CCNY: variants seen among roughly 807,000 people sequenced by gnomAD.
CCNY encodes cyclin-Y.
CCNY carries 19 observed loss-of-function variants against 42.8 expected under a neutral mutation model. That is an observed-to-expected ratio of 0.44 (90% CI 0.31 to 0.65). The LOEUF (loss-of-function observed/expected upper bound fraction) is 0.65. Among genes scored for constraint, CCNY ranks in the 30% least tolerant of loss-of-function variants. The probability of loss-of-function intolerance (pLI) is 0.07; values close to 1 mark genes in which losing one functional copy is unlikely to be tolerated. For synonymous variants in CCNY, 165 were observed against 162.7 expected, an observed-to-expected ratio of 1.01 and a Z score of -0.11; for missense variants, 370 against 437.3, an observed-to-expected ratio of 0.85 and a Z score of 1.37.
At chr10:35,344,670 A>C (rs1191538005) in intron 1 of CCNY, among the ~76,000 whole-genome samples, 2 of 152,040 alleles carry the variant, frequency 1.3e-5, no homozygotes, top group Non-Finnish European at 2.9e-5. Context: ...GGTGTGCTGC[A>C]CCCATTAACT....
In CCNY at chr10:35,336,944, C is replaced by A. The variant is rs913220684; in HGVS notation, c.-110C>A. On this transcript the variant is annotated 5_prime_UTR_variant, in exon 1 of 10. Transcript: ENST00000374704. ...TTCCGCCCCCTCCCGTGGCGGCGAG[C>A]GGGCGGGCCTCCCCACACGCCCCCG... The A allele has an allele frequency of 3.2e-4, 253 of 780,180 alleles. No individual in the cohort carries two copies. Among genetic ancestry groups the A allele is most frequent in the Middle Eastern group, 5.2e-4 (1 of 1,928 alleles). 48.3% of individuals were successfully genotyped at this position (780,180 alleles called of 1,614,324 possible).
At chr10:35,501,598 C>T in intron 3 of CCNY, 63 bp downstream of exon 3, 1 of 1,407,680 alleles carries the variant, frequency 7.1e-7, no homozygotes, top group Non-Finnish European at 1.0e-6. Flanking sequence ...GCTAAAATAA[C>T]TGTCTGTGAT....
At chr10:35,534,484 C>T (rs548343303) in intron 7 of CCNY, among the ~76,000 whole-genome samples, 3 of 152,204 alleles carry the variant, frequency 2.0e-5, no homozygotes, top group African/African-American at 4.8e-5. Flanking sequence ...GGAGGGATTC[C>T]GGCATAAGGG....
At chr10:35,263,844 C>G (rs1455660550) in intron 3 of CCNY, among the ~76,000 whole-genome samples, 1 of 152,136 alleles carries the variant, frequency 6.6e-6, no homozygotes, top group African/African-American at 2.4e-5. Context: ...TCCTACTCCC[C>G]CAACAGGCCC....
chr10:35,268,553 G>A (rs2095727968), intron 3 of CCNY, among the ~76,000 whole-genome samples: 1 of 152,142 alleles, frequency 6.6e-6, no homozygotes. Flanking sequence ...CACAAGTCTA[G>A]GGTCTTGAGG....
At chr10:35,354,927 C>T (rs1207416823) in intron 1 of CCNY, among the ~76,000 whole-genome samples, 4 of 152,090 alleles carry the variant, frequency 2.6e-5, no homozygotes, top group Non-Finnish European at 5.9e-5. Flanking sequence ...TTCTTTTAAT[C>T]TTTATTCTTT....
chr10:35,520,878 C>G (rs1367641830), intron 4 of CCNY, among the ~76,000 whole-genome samples: 2 of 152,172 alleles, frequency 1.3e-5, no homozygotes, highest in Non-Finnish European at 2.9e-5. Flanking sequence ...AGTCCTCTGA[C>G]AAGCATAAGA....
intron 9 of CCNY, 80 bp from the exon 10 acceptor site, chr10:35,568,974 C>A (rs1841628255): frequency 2.2e-6 from 2 of 894,016 alleles, no homozygotes; most frequent in South Asian, 1.4e-5. Flanking sequence ...CCTCATGCAG[C>A]GCCCTCGGCG....
At chr10:35,522,857 G>A (rs901823454) in intron 4 of CCNY, among the ~76,000 whole-genome samples, 4 of 152,192 alleles carry the variant, frequency 2.6e-5, no homozygotes, top group Non-Finnish European at 4.4e-5. Context: ...TAGACCCAGA[G>A]TCCCAGGACA....
intron 1 of CCNY, among the ~76,000 whole-genome samples, chr10:35,395,533 G>T (rs1400753627): frequency 1.3e-5 from 2 of 152,076 alleles, no homozygotes; most frequent in African/African-American, 2.4e-5. Flanking sequence ...TCACCTGGGG[G>T]GTTGTGGGGG....
intron 1 of CCNY, among the ~76,000 whole-genome samples, chr10:35,441,367 G>A (rs74496956): frequency 0.011 from 1,611 of 152,294 alleles, 25 homozygotes; most frequent in East Asian, 0.056. Context: ...TTAGAGAGTG[G>A]TACAGAGTTT....
At chr10:35,358,975 T>C (rs1836621626) in intron 1 of CCNY, among the ~76,000 whole-genome samples, 1 of 152,206 alleles carries the variant, frequency 6.6e-6, no homozygotes, top group Non-Finnish European at 1.5e-5. Context: ...GAGTGGGCGC[T>C]GACATAGCAT....
intron 7 of CCNY, among the ~76,000 whole-genome samples, chr10:35,535,009 G>A (rs917354816): frequency 1.0e-3 from 148 of 145,052 alleles, no homozygotes; most frequent in African/African-American, 2.9e-3. Flanking sequence ...ATGTGTGTGT[G>A]TGTGTGTGTG....
At chr10:35,523,286 C>T (rs1189905365) in intron 4 of CCNY, among the ~76,000 whole-genome samples, 1 of 152,176 alleles carries the variant, frequency 6.6e-6, no homozygotes, top group Non-Finnish European at 1.5e-5. Flanking sequence ...TTCCACTTGG[C>T]CCACTGTCTC....
chr10:35,557,327 T>G (rs1398247666), intron 8 of CCNY, among the ~76,000 whole-genome samples: 1 of 152,218 alleles, frequency 6.6e-6, no homozygotes, highest in Non-Finnish European at 1.5e-5. Flanking sequence ...CACATTAGCC[T>G]CTTCTTCAAA....
intron 1 of CCNY, 133 bp downstream of exon 1, chr10:35,337,340 C>A: frequency 1.1e-6 from 1 of 935,192 alleles, no homozygotes; most frequent in Non-Finnish European, 1.5e-6. Flanking sequence ...TTCGCCCGCG[C>A]AGCCTAGGCG....
chr10:35,400,408 G>A (rs1216158099), intron 1 of CCNY, among the ~76,000 whole-genome samples: 1 of 152,130 alleles, frequency 6.6e-6, no homozygotes, highest in African/African-American at 2.4e-5. Flanking sequence ...GAATTAGCTG[G>A]TTCAAAGAGG....
At chr10:35,466,882 C>G (rs1385570284) in intron 1 of CCNY, among the ~76,000 whole-genome samples, 1 of 152,244 alleles carries the variant, frequency 6.6e-6, no homozygotes, top group East Asian at 1.9e-4. Context: ...AAGCGATCCT[C>G]CTGCCCCAGC....
intron 3 of CCNY, among the ~76,000 whole-genome samples, chr10:35,267,673 C>T (rs2095727025): frequency 6.6e-6 from 1 of 152,120 alleles, no homozygotes; most frequent in Non-Finnish European, 1.5e-5. Context: ...ACACTGCTTC[C>T]AAGTATCGAT....
Sources: gnomAD v4.1 joint callset for allele counts (sites outside exome capture counted in the v4.1 genomes callset) on GRCh38, gnomAD v4.1.1 for gene constraint, MANE v1.5 for transcripts, NCBI Gene and HGNC (gene_info 2026-07-23, HGNC 2026-07-21) for gene names.